Variants in LRRK1 observed in about 807,000 individuals in gnomAD.
The protein encoded by LRRK1 is leucine rich repeat kinase 1, also known as leucine-rich repeat serine/threonine-protein kinase 1.
Under a neutral mutation model 209.1 loss-of-function variants are expected in LRRK1, and 113 were observed. That is an observed-to-expected ratio of 0.54 (90% CI 0.46 to 0.63). The LOEUF is 0.63. LRRK1 is among the 30% of genes least tolerant of loss of function. The probability of loss-of-function intolerance (pLI) is 0.00; values close to 1 mark genes in which losing one functional copy is unlikely to be tolerated. For missense variants in LRRK1, 2,284 were observed against 2,632.2 expected, an observed-to-expected ratio of 0.87 and a Z score of 2.89; for synonymous variants, 1,144 against 1,099.7, an observed-to-expected ratio of 1.04 and a Z score of -0.80.
At chr15:101,048,356 T>A (rs868445195) in intron 21 of LRRK1, 138 bp from the exon 22 acceptor site, 26 of 637,290 alleles carry the variant, frequency 4.1e-5, no homozygotes, top group African/African-American at 3.9e-4. Context: ...GCAGCAGGGA[T>A]GAGCAGCGTG....
Position 100,962,818 on chromosome 15 carries a change from T to TAC in LRRK1, c.98-10985_98-10984insCA, listed in dbSNP as rs1596204775. ...GCATATATATATATATATATATATA[T>TAC]ATATATTTTTTTTTTTTTTTTTGAG... On this transcript the variant is annotated intron_variant, in intron 2 of 33. Coordinates refer to ENST00000388948, the MANE Select transcript of LRRK1 (RefSeq NM_024652.6). 2.0e-3 allele frequency among the ~76,000 whole-genome samples: 67 copies of TAC among 33,324 alleles called. 10 individuals are homozygous for TAC. The highest frequency in any genetic ancestry group is 5.3e-3 in the African/African-American group (48 of 9,010). 21.9% of individuals were successfully genotyped at this position (33,324 alleles called of 152,430 possible). A position where few individuals can be genotyped will look rare whatever the true frequency, so the allele number is the denominator to read the frequency against.
chr15:101,049,528 GCA>G (rs1309297019), intron 22 of LRRK1, 114 bp from the exon 23 acceptor site: 33 of 1,221,194 alleles, frequency 2.7e-5, no homozygotes, highest in Non-Finnish European at 3.6e-5. Context: ...GTCCTGCAGG[GCA>G]CAGAGTCTCT....
chr15:100,928,381 C>T (rs1361436660), intron 2 of LRRK1, among the ~76,000 whole-genome samples: 1 of 152,206 alleles, frequency 6.6e-6, no homozygotes, highest in Non-Finnish European at 1.5e-5. Context: ...CCCATCCCAC[C>T]TTCTCCTAGA....
In LRRK1 at chr15:101,022,669, C is replaced by T. The variant is rs2033853407; in HGVS notation, c.2067+72C>T. On this transcript the variant is annotated intron_variant, in intron 15 of 33. Transcript: ENST00000388948. The surrounding 1 kb of genome is among the most constrained non-coding windows in gnomAD (Gnocchi z 4.0). ...CCCTTGGACTCCTTCTCCCTTCTCC[C>T]CAGAGAGCCCAGGATTTTCTCAGCC... is the stretch of plus-strand genomic sequence containing the variant. 9.2e-7 allele frequency: 1 copy of T among 1,092,314 alleles called. No homozygotes were observed. The highest frequency in any genetic ancestry group is 1.3e-6 in the Non-Finnish European group (1 of 765,566). The allele number at this position is 1,092,314 out of a possible 1,614,324, so 67.7% of individuals were successfully genotyped here. A position where few individuals can be genotyped will look rare whatever the true frequency, so the allele number is the denominator to read the frequency against.
intron 3 of LRRK1, among the ~76,000 whole-genome samples, chr15:100,979,429 C>A (rs914932465): frequency 6.6e-6 from 1 of 151,934 alleles, no homozygotes; most frequent in Non-Finnish European, 1.5e-5. Context: ...ATATTGCTGG[C>A]AATTCTAGCC....
At chr15:101,051,988 AC>A in intron 24 of LRRK1, 28 bp downstream of exon 24, 1 of 1,605,814 alleles carries the variant, frequency 6.2e-7, no homozygotes, top group East Asian at 2.2e-5. Flanking sequence ...CTCCCAGAAC[AC>A]AGTGCAGGTC....
At chr15:100,950,158 G>A (rs2042617575) in intron 2 of LRRK1, among the ~76,000 whole-genome samples, 1 of 152,214 alleles carries the variant, frequency 6.6e-6, no homozygotes, top group African/African-American at 2.4e-5. Context: ...TTTGCAGGAT[G>A]CAAGATCAAA....
At chr15:100,989,217 C>T (rs1331503938) in intron 5 of LRRK1, 33 bp from the exon 6 acceptor site, 7 of 1,600,378 alleles carry the variant, frequency 4.4e-6, no homozygotes, top group Non-Finnish European at 6.0e-6. Flanking sequence ...CTAGCATCTG[C>T]ATGCCCTTAG....
At chr15:100,962,690 T>A (rs950766789) in intron 2 of LRRK1, among the ~76,000 whole-genome samples, 11 of 149,236 alleles carry the variant, frequency 7.4e-5, no homozygotes, top group African/African-American at 2.7e-4. Flanking sequence ...ACAAAAATAA[T>A]AGACTGTATG....
intron 20 of LRRK1, among the ~76,000 whole-genome samples, chr15:101,031,484 C>T (rs1020544550): frequency 1.3e-5 from 2 of 152,246 alleles, no homozygotes; most frequent in South Asian, 4.1e-4. Context: ...TATGGCTTTA[C>T]TGCAATTTGT....
chr15:100,954,419 T>C (rs1352018085), intron 2 of LRRK1, among the ~76,000 whole-genome samples: 1 of 152,242 alleles, frequency 6.6e-6, no homozygotes, highest in East Asian at 1.9e-4. Flanking sequence ...ATCAGATATA[T>C]GGTTTGCAAT....
chr15:101,020,954 C>T (rs2033754880), intron 12 of LRRK1, 99 bp from the exon 13 acceptor site: 3 of 1,368,028 alleles, frequency 2.2e-6, no homozygotes, highest in Non-Finnish European at 3.1e-6. Context: ...GCCAAAATGC[C>T]CTCTGGAGGT....
At chr15:100,973,689 A>T (rs573823927) in intron 2 of LRRK1, 115 bp from the exon 3 acceptor site, 10 of 1,060,490 alleles carry the variant, frequency 9.4e-6, no homozygotes, top group Non-Finnish European at 1.2e-5. Flanking sequence ...CTCTTCCTGA[A>T]GCCCCCGCGA....
At chr15:101,059,029 C>T (rs1442687658) in intron 29 of LRRK1, among the ~76,000 whole-genome samples, 1 of 152,060 alleles carries the variant, frequency 6.6e-6, no homozygotes, top group African/African-American at 2.4e-5. Context: ...TGTGAGTTTG[C>T]GTCAGGTTTT....
chr15:100,961,649 CAAA>C (rs10560323), intron 2 of LRRK1, among the ~76,000 whole-genome samples: 99,107 of 142,768 alleles, frequency 0.69, 34,238 homozygotes, highest in Middle Eastern at 0.77. Context: ...GAGACTCCGT[CAAA>C]AAAAAAAAAA....
At chr15:100,963,468 A>G (rs1367221701) in intron 2 of LRRK1, among the ~76,000 whole-genome samples, 1 of 152,056 alleles carries the variant, frequency 6.6e-6, no homozygotes, top group East Asian at 1.9e-4. Context: ...CCTCCTTCCT[A>G]GCGCTGCTGT....
chr15:100,924,947 A>G (rs186143494), intron 2 of LRRK1, among the ~76,000 whole-genome samples: 18 of 152,328 alleles, frequency 1.2e-4, no homozygotes, highest in Non-Finnish European at 2.2e-4. Context: ...GATCTTAACA[A>G]TTGGGACATC....
In LRRK1 at chr15:101,014,399, C is replaced by T. The variant is rs763631287; in HGVS notation, c.1503C>T (p.Thr501=). 1.2e-5 allele frequency: 19 copies of T among 1,613,864 alleles called. No homozygotes were observed. The highest frequency in any genetic ancestry group is 1.4e-5 in the Non-Finnish European group (16 of 1,179,898). ...QEKWTCRQLK[T]LDLSRNQLGK... is the part of the protein sequence containing the mutation. The stretch of plus-strand genomic sequence containing the variant: ...AGTGGACCTGCAGGCAGCTCAAAAC[C>T]CTGGATCTCTCCAGAAACCAACTTG... The change falls in exon 11 of 34, where the codon ACC becomes ACT. Residue 501 remains threonine (T), a synonymous_variant. Transcript: ENST00000388948.
At chr15:101,052,821 C>G in intron 24 of LRRK1, 101 bp from the exon 25 acceptor site, 1 of 1,393,680 alleles carries the variant, frequency 7.2e-7, no homozygotes, top group South Asian at 1.4e-5. Flanking sequence ...TCACAGATGG[C>G]TTTGAACCAT....
Sources: gnomAD v4.1 joint callset for allele counts (sites outside exome capture counted in the v4.1 genomes callset) on GRCh38, gnomAD v4.1.1 for gene constraint, Gnocchi (gnomAD v3.1) non-coding constraint, MANE v1.5 for transcripts, NCBI Gene and HGNC (gene_info 2026-07-23, HGNC 2026-07-21) for gene names.